Variants in CCDC13 observed in about 807,000 individuals in gnomAD.
CCDC13 encodes the protein coiled-coil domain containing 13.
A neutral mutation model predicts 87.3 loss-of-function variants in CCDC13; 70 were observed. That is an observed-to-expected ratio of 0.80 (90% CI 0.66 to 0.98). CCDC13 has a LOEUF of 0.98. Ranked by LOEUF, CCDC13 falls within the 50% of genes least tolerant of loss-of-function variation. The pLI, the probability that CCDC13 is intolerant of heterozygous loss-of-function variation, is 0.00. For missense variants in CCDC13, 842 were observed against 892.0 expected (o/e 0.94, Z 0.71); for synonymous variants, 317 against 360.3 (o/e 0.88, Z 1.36).
intron 7 of CCDC13, among the ~76,000 whole-genome samples, chr3:42,744,326 T>C (rs1302281031): frequency 2.0e-5 from 3 of 152,010 alleles, no homozygotes; most frequent in Non-Finnish European, 4.4e-5. Flanking sequence ...CTGACCCTGG[T>C]TTCCCTATCA....
chr3:42,716,033 T>A (rs1203490098), intron 13 of CCDC13, among the ~76,000 whole-genome samples: 1 of 152,194 alleles, frequency 6.6e-6, no homozygotes, highest in East Asian at 1.9e-4. Context: ...CTGGGTAACA[T>A]ACCTGAACTC....
intron 1 of CCDC13, among the ~76,000 whole-genome samples, chr3:42,766,300 T>C (rs1032318981): frequency 1.3e-5 from 2 of 151,786 alleles, no homozygotes; most frequent in Non-Finnish European, 2.9e-5. Context: ...CCTCAGGTAG[T>C]TGAGACCTAG....
intron 13 of CCDC13, 21 bp downstream of exon 13, chr3:42,730,446 T>A (rs545125934): frequency 6.2e-7 from 1 of 1,609,844 alleles, no homozygotes; most frequent in Admixed American, 1.7e-5. Context: ...ATGGGAGAGA[T>A]CCCTGGGTGC....
At chr3:42,730,136 A>C (rs1007458470) in intron 13 of CCDC13, among the ~76,000 whole-genome samples, 1 of 152,184 alleles carries the variant, frequency 6.6e-6, no homozygotes, top group African/African-American at 2.4e-5. Context: ...CACCAAGCAC[A>C]GTGCCAGGCT....
chr3:42,718,432 C>T (rs1412018794), intron 13 of CCDC13, among the ~76,000 whole-genome samples: 1 of 152,152 alleles, frequency 6.6e-6, no homozygotes, highest in East Asian at 1.9e-4. Flanking sequence ...AACCAGCAGC[C>T]CTGGGGACTG....
chr3:42,712,234 C>A (rs1698328150), intron 14 of CCDC13, among the ~76,000 whole-genome samples: 1 of 151,808 alleles, frequency 6.6e-6, no homozygotes, highest in Non-Finnish European at 1.5e-5. Context: ...AAAGAGGGTG[C>A]AGTGGGGGCA....
intron 7 of CCDC13, among the ~76,000 whole-genome samples, chr3:42,744,131 A>C (rs950980176): frequency 2.6e-5 from 4 of 151,924 alleles, no homozygotes; most frequent in Admixed American, 2.6e-4. Context: ...CTGCATTTTA[A>C]ATGCTACAGG....
chr3:42,732,010 C>T (rs1480946805), intron 12 of CCDC13, among the ~76,000 whole-genome samples: 1 of 152,190 alleles, frequency 6.6e-6, no homozygotes, highest in African/African-American at 2.4e-5. Flanking sequence ...TCATCTTGTC[C>T]ATCTTCCTGC....
chr3:42,754,473 G>A lies in CCDC13; in HGVS notation c.371-1756C>T, dbSNP rs543704718. Among the ~76,000 whole-genome samples, 36 of 152,282 alleles carry A rather than the reference G, an allele frequency of 2.4e-4. No individual in the cohort carries two copies. In the South Asian group the frequency reaches 6.2e-3, roughly 26 times the overall value. The stretch of plus-strand genomic sequence containing the variant: ...GGGTAACGGGGGTGGTGATAATAAA[G>A]GATCACTGTGAAAATCATGAACTCT... On this transcript the variant is annotated intron_variant, in intron 3 of 15. Coordinates refer to ENST00000310232, the MANE Select transcript of CCDC13 (RefSeq NM_144719.4).
intron 13 of CCDC13, chr3:42,718,207 G>A (rs1342523237): frequency 6.6e-6 from 1 of 152,158 alleles, no homozygotes; most frequent in Admixed American, 6.5e-5. Context: ...GATAGAACAG[G>A]TTACAGTAAA....
At chr3:42,771,616 A>G (rs1357007611) in intron 1 of CCDC13, among the ~76,000 whole-genome samples, 1 of 152,178 alleles carries the variant, frequency 6.6e-6, no homozygotes, top group African/African-American at 2.4e-5. Context: ...TTAGCTGGGC[A>G]TGGTGGCATG....
Position 42,735,854 on chromosome 3 carries a change from C to T in CCDC13, c.1224G>A (p.Thr408=), listed in dbSNP as rs746011265. 9 of 1,614,236 alleles carry T rather than the reference C, an allele frequency of 5.6e-6. No individual in the cohort carries two copies. Among genetic ancestry groups the T allele is most frequent in the East Asian group, 4.5e-5 (2 of 44,882 alleles). Residue 408 remains threonine, a synonymous_variant, in exon 10 of 16, where the codon ACG becomes ACA. Transcript: ENST00000310232. The part of the protein sequence containing the change: ...LGSLSLQEEK[T]RVSQHHLDQQ... ...GGTCCAGGTGGTGCTGGGACACTCGCGTTTTCTCCTCCTGCAGACTCAGGC... is the reference window on the plus strand; with the variant it reads ...GGTCCAGGTGGTGCTGGGACACTCGTGTTTTCTCCTCCTGCAGACTCAGGC...
Position 42,732,912 on chromosome 3 carries a change from G to T in CCDC13, c.1570C>A (p.Pro524Thr). ...VESALTRPSL[P>T]SPHRTSPRFS... ...CTAGGTGAGGTCCTGTGGGGACTGG[G>T]CAGGGAAGGCCTCGTGAGAGCAGAT... The change falls in exon 12 of 16, where the codon CCC (proline) becomes ACC (threonine). Residue 524 changes from proline to threonine, a missense_variant. By Grantham distance (38) the Pro-to-Thr change is conservative. Transcript: ENST00000310232. 1 of 1,554,156 alleles carries T rather than the reference G, an allele frequency of 6.4e-7. No individual in the cohort carries two copies. Among genetic ancestry groups the T allele is most frequent in the South Asian group, 1.2e-5 (1 of 84,196 alleles).
rs893346192 is a variant in CCDC13, at chr3:42,708,782, G to A, written c.*198C>T. On this transcript the variant is annotated 3_prime_UTR_variant, in exon 16 of 16. Transcript: ENST00000310232. Reference sequence around the variant, plus strand: ...CAGCCAGCCCAGGGTCTCCTGCAGTGTCCCACCAGGGCTTCTCTTCTGCCT... The same window carrying A: ...CAGCCAGCCCAGGGTCTCCTGCAGTATCCCACCAGGGCTTCTCTTCTGCCT... 1 of 528,608 alleles carries A rather than the reference G, an allele frequency of 1.9e-6. No individual in the cohort carries two copies. The highest frequency in any genetic ancestry group is 3.2e-5 in the South Asian group (1 of 31,588). The allele number at this position is 528,608 out of a possible 1,614,324, so 32.7% of individuals were successfully genotyped here.
intron 10 of CCDC13, among the ~76,000 whole-genome samples, chr3:42,734,208 G>A (rs969266250): frequency 6.6e-6 from 1 of 152,220 alleles, no homozygotes; most frequent in African/African-American, 2.4e-5. Flanking sequence ...GACAACCGGT[G>A]TAAGCCCCTA....
At chr3:42,767,469 T>G (rs748437456) in intron 1 of CCDC13, among the ~76,000 whole-genome samples, 2 of 152,210 alleles carry the variant, frequency 1.3e-5, no homozygotes, top group Non-Finnish European at 2.9e-5. Context: ...CTCATGCACA[T>G]GAATAGGAAG....
intron 1 of CCDC13, among the ~76,000 whole-genome samples, chr3:42,770,065 C>T (rs1056042195): frequency 6.6e-6 from 1 of 152,266 alleles, no homozygotes; most frequent in African/African-American, 2.4e-5. Context: ...CACAGCGGGA[C>T]TGGCCGGCAC....
At chr3:42,714,047 C>T (rs1012500911) in intron 13 of CCDC13, 2 of 152,252 alleles carry the variant, frequency 1.3e-5, no homozygotes, top group Non-Finnish European at 2.9e-5. Context: ...GGCTGCTGGT[C>T]AATTTCACCT....
At chr3:42,733,752 G>A in intron 10 of CCDC13, 143 bp from the exon 11 acceptor site, 1 of 975,614 alleles carries the variant, frequency 1.0e-6, no homozygotes, top group Non-Finnish European at 1.4e-6. Context: ...AGGCCTGTTT[G>A]GTGAAGGCAC....
Sources: allele counts gnomAD v4.1 joint callset (sites outside exome capture counted in the v4.1 genomes callset), GRCh38; gene constraint gnomAD v4.1.1; transcripts MANE v1.5; gene names NCBI Gene and HGNC (gene_info 2026-07-23, HGNC 2026-07-21).